The following STK39 variants were observed in gnomAD, a reference collection of about 807,000 sequenced individuals.
STK39 encodes serine/threonine kinase 39, also known as STE20/SPS1-related proline-alanine-rich protein kinase.
STK39 carries 20 observed loss-of-function variants against 77.8 expected under a neutral mutation model. That is an observed-to-expected ratio of 0.26 (90% CI 0.18 to 0.37). The LOEUF (loss-of-function observed/expected upper bound fraction) is 0.37. STK39 is among the 10% of genes least tolerant of loss of function. The pLI is 1.00. For synonymous variants in STK39, 246 were observed against 234.1 expected, an observed-to-expected ratio of 1.05 and a Z score of -0.47; for missense variants, 479 against 656.5, an observed-to-expected ratio of 0.73 and a Z score of 2.95.
intron 5 of STK39, among the ~76,000 whole-genome samples, chr2:168,152,655 C>A (rs1399789713): frequency 6.6e-6 from 1 of 152,092 alleles, no homozygotes; most frequent in African/African-American, 2.4e-5. Context: ...CTCAGCAGTC[C>A]TCAGATGCTT....
At chr2:168,139,719 C>T (rs985981451) in intron 7 of STK39, among the ~76,000 whole-genome samples, 6 of 152,034 alleles carry the variant, frequency 3.9e-5, no homozygotes, top group Non-Finnish European at 7.4e-5. Flanking sequence ...GGTAAATAAG[C>T]CCTGATACCA....
intron 2 of STK39, among the ~76,000 whole-genome samples, chr2:168,181,510 A>G (rs994657160): frequency 1.5e-5 from 2 of 133,294 alleles, no homozygotes; most frequent in African/African-American, 5.7e-5. Flanking sequence ...CAAGCTACAG[A>G]GCATTTAAAA....
intron 1 of STK39, among the ~76,000 whole-genome samples, chr2:168,210,748 G>A (rs1405113546): frequency 2.0e-5 from 3 of 152,066 alleles, no homozygotes; most frequent in South Asian, 2.1e-4. Context: ...TCAAACCCCC[G>A]ACCTCAAATG....
chr2:167,999,669 A>G (rs918185063), intron 16 of STK39, among the ~76,000 whole-genome samples: 1 of 152,032 alleles, frequency 6.6e-6, no homozygotes, highest in Non-Finnish European at 1.5e-5. Context: ...TCACCATGTT[A>G]GCCAGGATGG....
At chr2:168,096,752 A>C (rs1199529193) in intron 10 of STK39, among the ~76,000 whole-genome samples, 2 of 152,226 alleles carry the variant, frequency 1.3e-5, no homozygotes, top group African/African-American at 4.8e-5. Context: ...ATACAGGAAG[A>C]AAAATGTAGC....
intron 10 of STK39, among the ~76,000 whole-genome samples, chr2:168,108,943 G>A (rs1263927180): frequency 6.6e-6 from 1 of 152,126 alleles, no homozygotes; most frequent in Non-Finnish European, 1.5e-5. Flanking sequence ...AATCCTTGTG[G>A]AGTGTCCCAT....
At chr2:168,140,544 T>G in intron 6 of STK39, 105 bp downstream of exon 6, 1 of 1,152,970 alleles carries the variant, frequency 8.7e-7, no homozygotes, top group East Asian at 2.4e-5. Context: ...CTTAGTTACA[T>G]TATGCATTCT....
In STK39 at chr2:168,013,828, G is replaced by A. The variant is rs978166738; in HGVS notation, c.1430-1126C>T. Among the ~76,000 whole-genome samples, 26 of 100,086 alleles carry A rather than the reference G, an allele frequency of 2.6e-4. No homozygotes were observed. In the South Asian group the frequency reaches 4.3e-3, roughly 16 times the overall value. The allele number at this position is 100,086 out of a possible 152,430, so 65.7% of individuals were successfully genotyped here. A position where few individuals can be genotyped will look rare whatever the true frequency, so the allele number is the denominator to read the frequency against. On this transcript the variant is annotated intron_variant, in intron 15 of 17. Coordinates refer to ENST00000355999, the MANE Select transcript of STK39 (RefSeq NM_013233.3). ...TGTGTGTGTGTGTGTGTGTGTGTGT[G>A]TGTGTGTATGTGTTTGCATATGTGC...
intron 5 of STK39, among the ~76,000 whole-genome samples, chr2:168,145,043 T>C (rs900856817): frequency 6.6e-6 from 1 of 151,720 alleles, no homozygotes; most frequent in Non-Finnish European, 1.5e-5. Flanking sequence ...AAATACTATA[T>C]TGTCTGTGTA....
intron 14 of STK39, among the ~76,000 whole-genome samples, chr2:168,045,560 TTA>T (rs1262682276): frequency 3.3e-5 from 5 of 152,234 alleles, no homozygotes; most frequent in African/African-American, 1.2e-4. Flanking sequence ...AGGACAAAGT[TTA>T]TGTTTTAGAA....
chr2:168,182,473 T>C (rs1689104981), intron 1 of STK39, among the ~76,000 whole-genome samples: 1 of 152,182 alleles, frequency 6.6e-6, no homozygotes, highest in Non-Finnish European at 1.5e-5. Context: ...ACTTCAAGGC[T>C]TTCATGAGAA....
chr2:168,089,638 A>G (rs372309236), intron 10 of STK39, among the ~76,000 whole-genome samples: 1 of 152,354 alleles, frequency 6.6e-6, no homozygotes, highest in Admixed American at 6.5e-5. Flanking sequence ...TCTTTGAGAC[A>G]GTTTCGCTCT....
intron 1 of STK39, among the ~76,000 whole-genome samples, chr2:168,230,996 C>T (rs1003698421): frequency 1.3e-5 from 2 of 152,172 alleles, no homozygotes; most frequent in Admixed American, 1.3e-4. Flanking sequence ...TACCAGACTC[C>T]TCTCAGCTAC....
intron 10 of STK39, among the ~76,000 whole-genome samples, chr2:168,112,766 C>T (rs530741897): frequency 3.9e-5 from 6 of 152,168 alleles, no homozygotes; most frequent in East Asian, 1.9e-4. Context: ...TACCTCATGG[C>T]GCACATAGAA....
intron 16 of STK39, among the ~76,000 whole-genome samples, chr2:168,011,766 G>A (rs1221955251): frequency 6.6e-6 from 1 of 152,094 alleles, no homozygotes; most frequent in Admixed American, 6.5e-5. Context: ...AAGACCCACA[G>A]TTTCAAAGTG....
At chr2:168,087,588 T>A (rs1340694465) in intron 10 of STK39, among the ~76,000 whole-genome samples, 5 of 152,244 alleles carry the variant, frequency 3.3e-5, no homozygotes, top group African/African-American at 1.2e-4. Flanking sequence ...TCCAGCTTGC[T>A]CTTCCTGACA....
chr2:168,184,308 T>C (rs964753529), intron 1 of STK39, among the ~76,000 whole-genome samples: 1 of 152,202 alleles, frequency 6.6e-6, no homozygotes, highest in Non-Finnish European at 1.5e-5. Context: ...TGTTACTGCT[T>C]TACAACTACA....
At chr2:168,144,571 G>A (rs1051255048) in intron 5 of STK39, among the ~76,000 whole-genome samples, 2 of 151,892 alleles carry the variant, frequency 1.3e-5, no homozygotes, top group Non-Finnish European at 2.9e-5. Context: ...CTCCCAACGT[G>A]CTGGAATTAT....
chr2:168,149,844 T>G (rs1022259282), intron 5 of STK39, among the ~76,000 whole-genome samples: 12 of 152,226 alleles, frequency 7.9e-5, no homozygotes, highest in African/African-American at 2.9e-4. Context: ...AAGAAGAATC[T>G]AATTCGCTTT....
Sources: gnomAD v4.1 joint callset for allele counts (sites outside exome capture counted in the v4.1 genomes callset) on GRCh38, gnomAD v4.1.1 for gene constraint, MANE v1.5 for transcripts, NCBI Gene and HGNC (gene_info 2026-07-23, HGNC 2026-07-21) for gene names.